GRIK3: variants seen among roughly 807,000 people sequenced by gnomAD.
The protein encoded by GRIK3 is glutamate receptor ionotropic, kainate 3.
Under a neutral mutation model 102.5 loss-of-function variants are expected in GRIK3, and 29 were observed. That is an observed-to-expected ratio of 0.28 (90% confidence interval 0.21 to 0.39). The LOEUF is 0.39. Among genes scored for constraint, GRIK3 ranks in the 10% least tolerant of loss-of-function variants. The pLI is 1.00. For missense variants in GRIK3, 908 were observed against 1,252.4 expected (o/e 0.73, Z 4.15); for synonymous variants, 511 against 504.9 (o/e 1.01, Z -0.16).
chr1:36,841,985 G>A (rs753235271), intron 9 of GRIK3, 46 bp from the exon 10 acceptor site: 2 of 1,486,754 alleles, frequency 1.3e-6, no homozygotes, highest in South Asian at 2.3e-5. Context: ...GAGCAGCTAG[G>A]GCGGAGGCAG....
intron 3 of GRIK3, among the ~76,000 whole-genome samples, chr1:36,875,290 C>G (rs929300162): frequency 2.6e-5 from 4 of 152,344 alleles, no homozygotes; most frequent in African/African-American, 9.6e-5. Flanking sequence ...TCCTTTCACC[C>G]TCAAGATGAG....
At chr1:36,889,044 G>A (rs898170454) in intron 2 of GRIK3, among the ~76,000 whole-genome samples, 5 of 152,066 alleles carry the variant, frequency 3.3e-5, no homozygotes, top group African/African-American at 9.7e-5. Context: ...CCCATGCCAG[G>A]TTCTATAGTG....
chr1:36,926,188 C>T (rs1027598), intron 1 of GRIK3, among the ~76,000 whole-genome samples: 132,921 of 152,114 alleles, frequency 0.87, 58,271 homozygotes, highest in East Asian at 0.99. Flanking sequence ...CCCTTTGCCC[C>T]CTGCCCTAAC....
In GRIK3 at chr1:36,817,106, A is replaced by G. The variant is rs1253792801; in HGVS notation, c.2045T>C (p.Ile682Thr). 6.2e-7 allele frequency: 1 copy of G among 1,614,024 alleles called. No homozygotes were observed. The highest frequency in any genetic ancestry group is 1.7e-5 in the Admixed American group (1 of 60,002). ...CCCATCCTTGACAGCCCCATACTCG[A>G]TTTTGGTTTGCTTGGCCAGGTCATC... The part of the protein sequence containing the change: ...SADDLAKQTK[I>T]EYGAVKDGAT... Residue 682 changes from isoleucine (I) to threonine (T), a missense_variant, in exon 13 of 16, where the codon ATC becomes ACC. Ile to Thr is a moderately conservative substitution (Grantham distance 89, BLOSUM62 -1). Around this residue, in one of 3 missense-constraint regions of GRIK3, gnomAD observed 297 missense variants for 362.7 expected, o/e 0.82. Coordinates refer to ENST00000373091, the MANE Select transcript of GRIK3 (RefSeq NM_000831.4).
intron 1 of GRIK3, among the ~76,000 whole-genome samples, chr1:36,905,445 T>A (rs1641275852): frequency 6.6e-6 from 1 of 151,636 alleles, no homozygotes; most frequent in Admixed American, 6.6e-5. Context: ...CTTGGTGCTT[T>A]TTTTTTTGTT....
chr1:36,959,022 A>ATGAGCCTGTGTGTCCCG (rs1641964428), intron 1 of GRIK3, among the ~76,000 whole-genome samples: 1 of 79,926 alleles, frequency 1.3e-5, no homozygotes, highest in Non-Finnish European at 2.7e-5. Flanking sequence ...TCTGTGCCCC[A>ATGAGCCTGTGTGTCCCG]TGAGCCTGTG....
At chr1:36,886,599 G>T (rs1473327344) in intron 2 of GRIK3, among the ~76,000 whole-genome samples, 1 of 152,192 alleles carries the variant, frequency 6.6e-6, no homozygotes, top group Admixed American at 6.5e-5. Context: ...ATCTGTCTTA[G>T]GCATGTCATC....
chr1:36,849,938 AC>A (rs776475848), intron 9 of GRIK3: 244 of 212,578 alleles, frequency 1.1e-3, no homozygotes, highest in Non-Finnish European at 1.9e-3. Context: ...CACAGCACCC[AC>A]CACAGCTGGG....
chr1:36,919,880 G>A (rs1641447827), intron 1 of GRIK3, among the ~76,000 whole-genome samples: 1 of 152,244 alleles, frequency 6.6e-6, no homozygotes, highest in Non-Finnish European at 1.5e-5. Context: ...GGTGCATGGT[G>A]TGGGGGAAGA....
intron 1 of GRIK3, among the ~76,000 whole-genome samples, chr1:36,957,924 G>A (rs1368851402): frequency 1.5e-5 from 1 of 65,720 alleles, no homozygotes; most frequent in Non-Finnish European, 2.7e-5. Flanking sequence ...CCGTGAGCCT[G>A]TGTGCCCCAT....
chr1:36,995,380 C>T (rs1642409814), intron 1 of GRIK3, among the ~76,000 whole-genome samples: 1 of 152,156 alleles, frequency 6.6e-6, no homozygotes, highest in African/African-American at 2.4e-5. Context: ...ATTGACTAAG[C>T]CTGGGGGCTC....
chr1:37,014,266 A>C (rs1302285139), intron 1 of GRIK3, among the ~76,000 whole-genome samples: 1 of 152,242 alleles, frequency 6.6e-6, no homozygotes, highest in Admixed American at 6.5e-5. Flanking sequence ...TTTGATCATC[A>C]ATCTATATTC....
At chr1:36,981,455 T>A (rs1310612988) in intron 1 of GRIK3, among the ~76,000 whole-genome samples, 2 of 152,202 alleles carry the variant, frequency 1.3e-5, no homozygotes, top group Admixed American at 1.3e-4. Context: ...ACTGCCACCA[T>A]GAGAGCTCTA....
intron 1 of GRIK3, among the ~76,000 whole-genome samples, chr1:37,019,847 C>G (rs2124074041): frequency 6.6e-6 from 1 of 152,334 alleles, no homozygotes; most frequent in Non-Finnish European, 1.5e-5. Flanking sequence ...ACTGAGAAAT[C>G]TTCAGCCAGA....
intron 10 of GRIK3, among the ~76,000 whole-genome samples, chr1:36,835,256 A>G (rs1426522984): frequency 6.6e-6 from 1 of 152,162 alleles, no homozygotes; most frequent in Non-Finnish European, 1.5e-5. Context: ...TGCCTGCCCA[A>G]CTGGCCACCT....
At chr1:36,969,666 C>T (rs1346376938) in intron 1 of GRIK3, among the ~76,000 whole-genome samples, 1 of 152,188 alleles carries the variant, frequency 6.6e-6, no homozygotes, top group African/African-American at 2.4e-5. Flanking sequence ...TTCGAAAGGG[C>T]TTCATTGTAG....
intron 1 of GRIK3, among the ~76,000 whole-genome samples, chr1:36,976,255 CCTT>C (rs1324156216): frequency 6.6e-6 from 1 of 152,194 alleles, no homozygotes; most frequent in African/African-American, 2.4e-5. Context: ...GCTCTCGACT[CCTT>C]CCCTTTTGCC....
At chr1:36,875,173 G>T (rs564593787) in intron 3 of GRIK3, among the ~76,000 whole-genome samples, 12 of 152,352 alleles carry the variant, frequency 7.9e-5, no homozygotes, top group African/African-American at 2.9e-4. Flanking sequence ...CACCACAGAG[G>T]TTAAGTGATT....
In GRIK3 at chr1:36,880,691, C is replaced by T. The variant is rs148168675; in HGVS notation, c.493G>A (p.Asp165Asn). The change falls in exon 3 of 16, where the codon GAC becomes AAC. Residue 165 changes from aspartate to asparagine, a missense_variant. Asp to Asn is a conservative substitution (Grantham distance 23). Transcript: ENST00000373091. This position sits in a 1 kb window ranked among gnomAD's most constrained non-coding sequence, Gnocchi z 5.4. ...CGCCACTTGAGGTACTGGACCAGGT[C>T]GAGGATGGCATGGCTGAGCGAGGCG... ...DYASLSHAIL[D>N]LVQYLKWRSA... is the part of the protein sequence containing the mutation. 8.1e-5 allele frequency: 131 copies of T among 1,613,986 alleles called. No individual in the cohort carries two copies. Among genetic ancestry groups the T allele is most frequent in the Non-Finnish European group, 9.7e-5 (115 of 1,179,994 alleles).
Sources: allele counts gnomAD v4.1 joint callset (sites outside exome capture counted in the v4.1 genomes callset), GRCh38; gene constraint gnomAD v4.1.1; regional missense constraint gnomAD v4.1.1; non-coding constraint Gnocchi (gnomAD v3.1); transcripts MANE v1.5; gene names NCBI Gene and HGNC (gene_info 2026-07-23, HGNC 2026-07-21).